FAM184B: variants seen among roughly 807,000 people sequenced by gnomAD.
FAM184B encodes family with sequence similarity 184 member B.
In FAM184B, 111 loss-of-function variants were observed where a neutral mutation model predicts 135.9. The ratio of observed to expected loss-of-function variants is 0.82; its 90% confidence interval spans 0.70 to 0.96. The LOEUF (loss-of-function observed/expected upper bound fraction) is 0.96. Ranked by LOEUF, FAM184B falls within the 40% of genes least tolerant of loss-of-function variation. The pLI, the probability that FAM184B is intolerant of heterozygous loss-of-function variation, is 0.00. For missense variants in FAM184B, 1,375 were observed against 1,323.9 expected, an observed-to-expected ratio of 1.04 and a Z score of -0.60; for synonymous variants, 552 against 524.8, an observed-to-expected ratio of 1.05 and a Z score of -0.71.
intron 15 of FAM184B, 23 bp from the exon 16 acceptor site, chr4:17,635,136 T>C: frequency 2.6e-6 from 4 of 1,527,128 alleles, no homozygotes; most frequent in Non-Finnish European, 3.6e-6. Context: ...TACAACTGAG[T>C]CTAAATGAGC....
At chr4:17,703,583 T>A (rs1385315571) in intron 5 of FAM184B, among the ~76,000 whole-genome samples, 1 of 152,102 alleles carries the variant, frequency 6.6e-6, no homozygotes, top group Non-Finnish European at 1.5e-5. Context: ...ATATATACTA[T>A]AATACCATAT....
chr4:17,678,107 G>A (rs1264499785), intron 7 of FAM184B, among the ~76,000 whole-genome samples: 1 of 152,134 alleles, frequency 6.6e-6, no homozygotes, highest in East Asian at 1.9e-4. Context: ...CTAAGAACTG[G>A]AACAAAACAA....
In FAM184B at chr4:17,641,461, C is replaced by CTTTTTTTTTTTTTTTTTTTTT. The variant is rs71167316; in HGVS notation, c.2519+574_2519+594dup. 1.3e-4 allele frequency among the ~76,000 whole-genome samples: 6 copies of CTTTTTTTTTTTTTTTTTTTTT among 45,700 alleles called. 2 individuals carry two copies. Among genetic ancestry groups the CTTTTTTTTTTTTTTTTTTTTT allele is most frequent in the African/African-American group, 5.1e-4 (6 of 11,868 alleles). 30.0% of individuals were successfully genotyped at this position (45,700 alleles called of 152,430 possible). A position where few individuals can be genotyped will look rare whatever the true frequency, so the allele number is the denominator to read the frequency against. ...TGCAGGGAAACAAACAGGACTCCCT[C>CTTTTTTTTTTTTTTTTTTTTT]TTTTTTTTTTTTTTTTTTTTTTTTT... On this transcript the variant is annotated intron_variant, in intron 13 of 17. Coordinates refer to ENST00000265018, the MANE Select transcript of FAM184B (RefSeq NM_015688.2).
At chr4:17,666,018 C>T (rs1716040700) in intron 7 of FAM184B, among the ~76,000 whole-genome samples, 1 of 152,102 alleles carries the variant, frequency 6.6e-6, no homozygotes, top group Admixed American at 6.6e-5. Flanking sequence ...AAGCATGCAC[C>T]TGGCTCAGGG....
intron 1 of FAM184B, among the ~76,000 whole-genome samples, chr4:17,766,667 AT>A (rs1718700399): frequency 6.6e-6 from 1 of 152,216 alleles, no homozygotes; most frequent in African/African-American, 2.4e-5. Flanking sequence ...CAGAGTGCTG[AT>A]TAGTGTATTT....
At chr4:17,635,882 T>C (rs1340712308) in intron 15 of FAM184B, among the ~76,000 whole-genome samples, 1 of 152,154 alleles carries the variant, frequency 6.6e-6, no homozygotes, top group East Asian at 1.9e-4. Flanking sequence ...CTTTGCTAAG[T>C]AGAAAACAGG....
intron 6 of FAM184B, among the ~76,000 whole-genome samples, chr4:17,691,866 A>G (rs1284361798): frequency 6.6e-6 from 1 of 151,960 alleles, no homozygotes; most frequent in Non-Finnish European, 1.5e-5. Context: ...CATCCTGGCC[A>G]ACATGGTGAA....
chr4:17,660,304 A>G (rs1715885544), intron 8 of FAM184B, among the ~76,000 whole-genome samples: 1 of 152,000 alleles, frequency 6.6e-6, no homozygotes, highest in Admixed American at 6.6e-5. Context: ...ATATCTGTTT[A>G]GCAGGAACCG....
chr4:17,635,825 A>G (rs1238662534), intron 15 of FAM184B, among the ~76,000 whole-genome samples: 1 of 152,216 alleles, frequency 6.6e-6, no homozygotes, highest in Non-Finnish European at 1.5e-5. Flanking sequence ...TTGGTTGGAT[A>G]CTGAATCAGA....
intron 1 of FAM184B, among the ~76,000 whole-genome samples, chr4:17,714,388 A>G (rs554934322): frequency 6.6e-6 from 1 of 152,250 alleles, no homozygotes; most frequent in Non-Finnish European, 1.5e-5. Flanking sequence ...TTTCATCTGC[A>G]AACTTAATGC....
chr4:17,726,894 T>C (rs1245666380), intron 1 of FAM184B, among the ~76,000 whole-genome samples: 2 of 152,202 alleles, frequency 1.3e-5, no homozygotes, highest in Non-Finnish European at 2.9e-5. Flanking sequence ...ATGGACCTAA[T>C]GCTGATGGAT....
intron 14 of FAM184B, among the ~76,000 whole-genome samples, chr4:17,637,049 CG>C (rs1402317863): frequency 6.6e-6 from 1 of 151,998 alleles, no homozygotes; most frequent in Non-Finnish European, 1.5e-5. Flanking sequence ...TTTTTGGAGA[CG>C]GAGTCTCCCT....
At chr4:17,654,171 T>C (rs910342182) in intron 10 of FAM184B, among the ~76,000 whole-genome samples, 2 of 151,504 alleles carry the variant, frequency 1.3e-5, no homozygotes, top group African/African-American at 4.9e-5. Context: ...ACAGCAGCAA[T>C]AGGAAACTAA....
rs115738011 is a variant in FAM184B at position 17,630,373 on chromosome 4, A to G, written c.*2159T>C. ...ATGGAGTCATGAGGGCTTCACCCTC[A>G]TGAGTAGGATAAGTACCCTTACAAA... On this transcript the variant is annotated 3_prime_UTR_variant, in exon 18 of 18. Coordinates refer to ENST00000265018, the MANE Select transcript of FAM184B (RefSeq NM_015688.2). 6.9e-4 allele frequency: 105 copies of G among 152,302 alleles called. No individual in the cohort carries two copies. Among genetic ancestry groups the G allele is most frequent in the African/African-American group, 2.5e-3 (103 of 41,580 alleles). The allele number at this position is 152,302 out of a possible 1,614,324, so 9.4% of individuals were successfully genotyped here.
chr4:17,660,790 G>A (rs914228305), intron 8 of FAM184B, among the ~76,000 whole-genome samples: 5 of 152,084 alleles, frequency 3.3e-5, no homozygotes, highest in African/African-American at 1.2e-4. Context: ...TTGACAGCGT[G>A]AAAGGATGCC....
At chr4:17,640,481 C>CAAAAAA (rs200666429) in intron 13 of FAM184B, among the ~76,000 whole-genome samples, 4 of 127,426 alleles carry the variant, frequency 3.1e-5, no homozygotes, top group Non-Finnish European at 3.3e-5. Flanking sequence ...AAGACTGTCT[C>CAAAAAA]AAAAAAAAAA....
At chr4:17,751,868 A>ACACAG (rs1382691924) in intron 1 of FAM184B, among the ~76,000 whole-genome samples, 2 of 57,006 alleles carry the variant, frequency 3.5e-5, no homozygotes, top group Non-Finnish European at 8.8e-5. Flanking sequence ...CACACACACA[A>ACACAG]AAGAACCAGG....
At chr4:17,648,573 C>T (rs1380717144) in intron 11 of FAM184B, among the ~76,000 whole-genome samples, 5 of 151,486 alleles carry the variant, frequency 3.3e-5, no homozygotes, top group African/African-American at 4.9e-5. Context: ...AGGCTGGTCT[C>T]GAACTCCTGA....
At chr4:17,637,676 A>G (rs1577240569) in intron 14 of FAM184B, among the ~76,000 whole-genome samples, 1 of 149,648 alleles carries the variant, frequency 6.7e-6, no homozygotes, top group South Asian at 2.1e-4. Flanking sequence ...TGGAGACTGG[A>G]GAAGTTTTTA....
Sources: gnomAD v4.1 joint callset for allele counts (sites outside exome capture counted in the v4.1 genomes callset) on GRCh38, gnomAD v4.1.1 for gene constraint, MANE v1.5 for transcripts, NCBI Gene and HGNC (gene_info 2026-07-23, HGNC 2026-07-21) for gene names.